The following VPS13B variants were observed in gnomAD, a reference collection of about 807,000 sequenced individuals.
VPS13B encodes the protein intermembrane lipid transfer protein VPS13B.
Under a neutral mutation model 426.4 loss-of-function variants are expected in VPS13B, and 285 were observed. The observed-to-expected ratio is 0.67, with a 90% CI of 0.61 to 0.74. The LOEUF is 0.74. VPS13B is among the 30% of genes least tolerant of loss of function. The pLI, the probability that VPS13B is intolerant of heterozygous loss-of-function variation, is 0.00. For missense variants in VPS13B, 4,537 were observed against 4,782.6 expected (o/e 0.95, Z 1.51); for synonymous variants, 1,676 against 1,676.4 (o/e 1.00, Z 0.01).
intron 15 of VPS13B, among the ~76,000 whole-genome samples, chr8:99,167,838 C>T (rs1304258251): frequency 1.3e-5 from 2 of 152,056 alleles, no homozygotes; most frequent in African/African-American, 2.4e-5. Flanking sequence ...GTTATACTTA[C>T]TGTTTCATAC....
rs765534822 is a variant in VPS13B, at chr8:99,876,770, T to TTGA, written c.*1106_*1108dup. ...CAGTAGCTTAGAGCATGTTTGCTGA[T>TTGA]TGATATTACATTTAAACTTGGGGCT... On this transcript the variant is annotated 3_prime_UTR_variant, in exon 62 of 62. Transcript: ENST00000357162. 2.7e-4 allele frequency: 41 copies of TTGA among 152,334 alleles called. No homozygotes were observed. Among genetic ancestry groups the TTGA allele is most frequent in the East Asian group, 9.6e-4 (5 of 5,186 alleles). 9.4% of individuals were successfully genotyped at this position (152,334 alleles called of 1,614,324 possible). A position where few individuals can be genotyped will look rare whatever the true frequency, so the allele number is the denominator to read the frequency against.
intron 30 of VPS13B, among the ~76,000 whole-genome samples, chr8:99,521,469 A>G (rs963206667): frequency 2.4e-4 from 37 of 152,224 alleles, no homozygotes; most frequent in African/African-American, 8.9e-4. Flanking sequence ...TCTAAAGAGA[A>G]ATTTCACAGT....
chr8:99,111,134 C>T lies in VPS13B; in HGVS notation c.617C>T (p.Ser206Phe). Residue 206 changes from serine (S) to phenylalanine (F), a missense_variant, in exon 6 of 62, where the codon TCT (serine) becomes TTT (phenylalanine). Ser to Phe is a radical substitution (Grantham distance 155, BLOSUM62 -2). This residue lies in a region of VPS13B where 226 missense variants were observed against 308.3 expected (regional missense o/e 0.73). Transcript: ENST00000357162. ...DLVLRKVINF[S>F]DCTVCLDKRN... ...GTGCTGAGAAAGGTTATCAATTTTTCTGACTGTACAGTTTGTCTTGATAAA... is the reference window on the plus strand; with the variant it reads ...GTGCTGAGAAAGGTTATCAATTTTTTTGACTGTACAGTTTGTCTTGATAAA... 6.2e-7 allele frequency: 1 copy of T among 1,602,236 alleles called. No homozygotes were observed.
intron 39 of VPS13B, among the ~76,000 whole-genome samples, 170 bp from the exon 40 acceptor site, chr8:99,766,604 A>G (rs1371114380): frequency 6.6e-6 from 1 of 152,220 alleles, no homozygotes; most frequent in African/African-American, 2.4e-5. Flanking sequence ...AATAAACAGG[A>G]TGAATATACA....
chr8:99,580,742 C>T (rs1450533375), intron 33 of VPS13B, among the ~76,000 whole-genome samples: 1 of 151,452 alleles, frequency 6.6e-6, no homozygotes, highest in African/African-American at 2.4e-5. Flanking sequence ...GTCCCAGCTA[C>T]TCGGGAGGCT....
At chr8:99,034,813 G>A (rs1842671156) in intron 2 of VPS13B, among the ~76,000 whole-genome samples, 1 of 152,134 alleles carries the variant, frequency 6.6e-6, no homozygotes, top group South Asian at 2.1e-4. Context: ...GAGAGGATTT[G>A]CCGAGCTCCT....
At chr8:99,430,525 T>G (rs568223545) in intron 21 of VPS13B, among the ~76,000 whole-genome samples, 2 of 152,170 alleles carry the variant, frequency 1.3e-5, no homozygotes, top group Non-Finnish European at 2.9e-5. Flanking sequence ...AATTACTCAA[T>G]TGTTTAAAAT....
At chr8:99,245,829 C>T (rs1209200380) in intron 17 of VPS13B, among the ~76,000 whole-genome samples, 1 of 152,202 alleles carries the variant, frequency 6.6e-6, no homozygotes, top group Non-Finnish European at 1.5e-5. Context: ...CAGGTGTGAG[C>T]CGCTGTGCCC....
chr8:99,757,404 C>T (rs1810693919), intron 39 of VPS13B, among the ~76,000 whole-genome samples: 1 of 152,114 alleles, frequency 6.6e-6, no homozygotes, highest in African/African-American at 2.4e-5. Flanking sequence ...TAGATCTCCC[C>T]TCTCTACCTA....
At position 99,784,378 on chromosome 8, in the gene VPS13B, G is replaced by A; in HGVS notation, c.7843G>A (p.Glu2615Lys). 1 of 1,613,764 alleles carries A rather than the reference G, an allele frequency of 6.2e-7. No homozygotes were observed. The highest frequency in any genetic ancestry group is 8.5e-7 in the Non-Finnish European group (1 of 1,179,704). Reference sequence around the variant, plus strand: ...TTTTGTGATCTGTAATGACACACAGGAGACACTGCGGTTTGGCCAGGTGGA... The same window carrying A: ...TTTTGTGATCTGTAATGACACACAGAAGACACTGCGGTTTGGCCAGGTGGA... Reference protein sequence around the residue: ...SHFVICNDTQETLRFGQVDTD... With the variant: ...SHFVICNDTQKTLRFGQVDTD... Residue 2615 changes from glutamate (E) to lysine (K), a missense_variant, in exon 43 of 62, where the codon GAG becomes AAG. Around this residue, in one of 2 missense-constraint regions of VPS13B, gnomAD observed 4,311 missense variants for 4,474.3 expected, o/e 0.96. Transcript: ENST00000357162.
intron 17 of VPS13B, among the ~76,000 whole-genome samples, chr8:99,216,007 A>G (rs549657333): frequency 1.3e-5 from 2 of 152,296 alleles, no homozygotes; most frequent in African/African-American, 4.8e-5. Context: ...TATTCTAGTC[A>G]CAGAGGTACT....
At chr8:99,659,596 G>A (rs372766897) in intron 34 of VPS13B, among the ~76,000 whole-genome samples, 4 of 152,288 alleles carry the variant, frequency 2.6e-5, no homozygotes, top group East Asian at 3.9e-4. Flanking sequence ...AATGTAGAAA[G>A]TTGATTAAAT....
Position 99,481,779 on chromosome 8 carries a change from G to A in VPS13B, c.3847G>A (p.Ala1283Thr), listed in dbSNP as rs1820051267. ...PPDTSTCSPS[A>T]DIGTTTEGDS... ...AGATACCAGCACATGCAGCCCATCT[G>A]CTGACATTGGGACTACTACTGAGGT... Residue 1283 changes from alanine to threonine, a missense_variant, in exon 25 of 62, where the codon GCT (alanine) becomes ACT (threonine). By Grantham distance (58) the Ala-to-Thr change is moderately conservative. Coordinates refer to ENST00000357162, the MANE Select transcript of VPS13B (RefSeq NM_152564.5). 1 of 1,613,848 alleles carries A rather than the reference G, an allele frequency of 6.2e-7. No individual in the cohort carries two copies.
At chr8:99,196,507 A>C (rs1813940051) in intron 17 of VPS13B, among the ~76,000 whole-genome samples, 5 of 133,294 alleles carry the variant, frequency 3.8e-5, no homozygotes, top group African/African-American at 1.4e-4. Flanking sequence ...TCCATTTGTC[A>C]CCCAAGCTGG....
At chr8:99,500,978 A>G (rs1821200639) in intron 25 of VPS13B, among the ~76,000 whole-genome samples, 1 of 152,356 alleles carries the variant, frequency 6.6e-6, no homozygotes. Context: ...ACATATTCAG[A>G]GTTCAGTATG....
chr8:99,113,221 C>T (rs574101850), intron 6 of VPS13B, among the ~76,000 whole-genome samples: 1 of 152,166 alleles, frequency 6.6e-6, no homozygotes, highest in African/African-American at 2.4e-5. Flanking sequence ...GTCTCAGGCT[C>T]TTAAGTAGCT....
rs1408567806 is a variant in VPS13B, at chr8:99,423,288, A to G, written c.3083-8249A>G. Among the ~76,000 whole-genome samples the G allele has an allele frequency of 4.0e-5, 6 of 150,800 alleles. No individual in the cohort carries two copies. The South Asian group carries it at 8.4e-4, about 21-fold the overall frequency. On this transcript the variant is annotated intron_variant, in intron 21 of 61. Coordinates refer to ENST00000357162, the MANE Select transcript of VPS13B (RefSeq NM_152564.5). Reference sequence around the variant, plus strand: ...ATTTTTTTTTTTTTGAAACAGTCTCACTCTGTTGCCCAGGCTGGAATGCAG... The same window carrying G: ...ATTTTTTTTTTTTTGAAACAGTCTCGCTCTGTTGCCCAGGCTGGAATGCAG...
At position 99,617,525 on chromosome 8, in the gene VPS13B, C is replaced by G. The variant is rs181193223; in HGVS notation, c.5221-24286C>G. Among the ~76,000 whole-genome samples, 18 of 152,210 alleles carry G rather than the reference C, an allele frequency of 1.2e-4. No homozygotes were observed. The East Asian group carries it at 2.3e-3, about 20-fold the overall frequency. On this transcript the variant is annotated intron_variant, in intron 33 of 61. Transcript: ENST00000357162. The stretch of plus-strand genomic sequence containing the variant: ...TATTTTTAGTAGAGATGGGGTTTCA[C>G]CAGGTTGGCCAGGCTGGTCTCGAAC...
At chr8:99,445,939 G>T (rs1394772178) in intron 23 of VPS13B, among the ~76,000 whole-genome samples, 1 of 152,130 alleles carries the variant, frequency 6.6e-6, no homozygotes, top group African/African-American at 2.4e-5. Flanking sequence ...TAGCTATATG[G>T]TTTCTGTTTT....
Sources: allele counts gnomAD v4.1 joint callset (sites outside exome capture counted in the v4.1 genomes callset), GRCh38; gene constraint gnomAD v4.1.1; regional missense constraint gnomAD v4.1.1; transcripts MANE v1.5; gene names NCBI Gene and HGNC (gene_info 2026-07-23, HGNC 2026-07-21).